Variants in TEAD1 observed in about 807,000 individuals in gnomAD.
TEAD1 encodes the protein transcriptional enhancer factor TEF-1.
Under a neutral mutation model 54.9 loss-of-function variants are expected in TEAD1, and 9 were observed. The ratio of observed to expected loss-of-function variants is 0.16; its 90% CI spans 0.10 to 0.29. TEAD1 has a LOEUF of 0.29. TEAD1 is among the 10% of genes least tolerant of loss of function. The pLI is 1.00. For synonymous variants in TEAD1, 200 were observed against 187.8 expected (o/e 1.07, Z -0.53); for missense variants, 387 against 535.9 (o/e 0.72, Z 2.74).
chr11:12,718,476 C>G (rs141173264), intron 2 of TEAD1, among the ~76,000 whole-genome samples: 1 of 152,202 alleles, frequency 6.6e-6, no homozygotes, highest in African/African-American at 2.4e-5. Context: ...TTCTTGCATT[C>G]CCTTGGTCTC....
At chr11:12,868,578 T>C (rs1239211352) in intron 5 of TEAD1, among the ~76,000 whole-genome samples, 2 of 152,242 alleles carry the variant, frequency 1.3e-5, no homozygotes, top group African/African-American at 2.4e-5. Context: ...AGCTTTATGC[T>C]TCTACTAATT....
At chr11:12,740,966 C>G (rs534789946) in intron 2 of TEAD1, among the ~76,000 whole-genome samples, 1 of 152,032 alleles carries the variant, frequency 6.6e-6, no homozygotes, top group Admixed American at 6.5e-5. Context: ...CTTAAATTTT[C>G]TTTTTAAAAA....
intron 3 of TEAD1, among the ~76,000 whole-genome samples, chr11:12,817,943 A>G (rs140463956): frequency 6.6e-6 from 1 of 152,372 alleles, no homozygotes; most frequent in East Asian, 1.9e-4. Flanking sequence ...CATTGTGGTT[A>G]TTAGCTGCAA....
rs551360132 is a variant in TEAD1, at chr11:12,732,624, G to C, written c.-54-31555G>C. 2.5e-4 allele frequency among the ~76,000 whole-genome samples: 38 copies of C among 152,296 alleles called. 1 individual carries two copies. Among genetic ancestry groups the C allele is most frequent in the African/African-American group, 8.9e-4 (37 of 41,558 alleles). On this transcript the variant is annotated intron_variant, in intron 2 of 12. Transcript: ENST00000527636. ...TCTGAGGGTACTCAGTTGACTGGAG[G>C]CTTGAGCTAATTCTTCAGATGCATT...
chr11:12,853,751 A>G (rs931316612), intron 3 of TEAD1, among the ~76,000 whole-genome samples: 1 of 152,168 alleles, frequency 6.6e-6, no homozygotes, highest in Admixed American at 6.5e-5. Flanking sequence ...TTCCTCTAAG[A>G]TGCGGGAGAA....
chr11:12,777,697 G>T (rs1196366846), intron 3 of TEAD1, among the ~76,000 whole-genome samples: 1 of 152,218 alleles, frequency 6.6e-6, no homozygotes, highest in Non-Finnish European at 1.5e-5. Context: ...GTACTAAGAT[G>T]TGCCCTTGTA....
At chr11:12,835,872 A>G (rs1368426537) in intron 3 of TEAD1, among the ~76,000 whole-genome samples, 1 of 152,160 alleles carries the variant, frequency 6.6e-6, no homozygotes, top group Non-Finnish European at 1.5e-5. Context: ...GTCAACGGGT[A>G]CAAAGTTTCA....
intron 9 of TEAD1, 100 bp from the exon 10 acceptor site, chr11:12,901,840 C>T: frequency 1.4e-6 from 2 of 1,474,574 alleles, no homozygotes; most frequent in Non-Finnish European, 1.9e-6. Flanking sequence ...GGCCTAATTC[C>T]AGAATTTTGG....
At chr11:12,899,715 C>A (rs1282647395) in intron 9 of TEAD1, among the ~76,000 whole-genome samples, 1 of 152,192 alleles carries the variant, frequency 6.6e-6, no homozygotes, top group Non-Finnish European at 1.5e-5. Context: ...GTGGCTAGTC[C>A]ATGCAGCTGC....
At chr11:12,876,248 A>T (rs1947852134) in intron 5 of TEAD1, among the ~76,000 whole-genome samples, 1 of 152,194 alleles carries the variant, frequency 6.6e-6, no homozygotes, top group Non-Finnish European at 1.5e-5. Context: ...CTCCTTTTCC[A>T]CACTGACTGA....
chr11:12,851,224 G>A (rs1947267691), intron 3 of TEAD1: 1 of 382,870 alleles, frequency 2.6e-6, no homozygotes, highest in African/African-American at 2.2e-5. Context: ...AACAACAGAG[G>A]ATACTAAGAA....
intron 11 of TEAD1, among the ~76,000 whole-genome samples, chr11:12,926,800 CATA>C (rs1564993471): frequency 6.6e-6 from 1 of 152,106 alleles, no homozygotes; most frequent in Non-Finnish European, 1.5e-5. Flanking sequence ...ATTGGCTCAA[CATA>C]ATGTCTAGGA....
intron 12 of TEAD1, among the ~76,000 whole-genome samples, chr11:12,934,092 GTTTA>G (rs1949057339): frequency 1.3e-5 from 2 of 152,288 alleles, no homozygotes; most frequent in African/African-American, 4.8e-5. Context: ...GCACACGTAT[GTTTA>G]TTAGAGCACT....
chr11:12,758,605 G>A (rs533113282), intron 2 of TEAD1, among the ~76,000 whole-genome samples: 7 of 152,080 alleles, frequency 4.6e-5, no homozygotes, highest in South Asian at 2.1e-4. Context: ...TAGTAGAGAC[G>A]GGGTTTCATC....
chr11:12,675,167 AC>A lies in TEAD1; in HGVS notation c.-207-239del, dbSNP rs1214544586. Among the ~76,000 whole-genome samples, 3 of 149,876 alleles carry A rather than the reference AC, an allele frequency of 2.0e-5. No homozygotes were observed. The East Asian group carries it at 6.0e-4, about 30-fold the overall frequency. On this transcript the variant is annotated intron_variant, in intron 1 of 12. Coordinates refer to ENST00000527636, the MANE Select transcript of TEAD1 (RefSeq NM_021961.6). ...CGCCTGCACGCGCACACACGCACACACCCTCGGGCGCCTTGGACGGGGTGCG... is the reference window on the plus strand; with the variant it reads ...CGCCTGCACGCGCACACACGCACACACCTCGGGCGCCTTGGACGGGGTGCG...
chr11:12,796,839 C>T (rs1945938674), intron 3 of TEAD1, among the ~76,000 whole-genome samples: 1 of 149,564 alleles, frequency 6.7e-6, no homozygotes, highest in Non-Finnish European at 1.5e-5. Context: ...TGGCCGGGTG[C>T]GGTAGCTCAT....
intron 5 of TEAD1, among the ~76,000 whole-genome samples, chr11:12,870,907 A>G (rs894719336): frequency 6.6e-6 from 1 of 152,122 alleles, no homozygotes; most frequent in Admixed American, 6.5e-5. Context: ...AAAAGAAAAA[A>G]TGTCTAGGAC....
intron 9 of TEAD1, among the ~76,000 whole-genome samples, chr11:12,885,605 A>G (rs1948071635): frequency 6.6e-6 from 1 of 152,124 alleles, no homozygotes; most frequent in Non-Finnish European, 1.5e-5. Flanking sequence ...ACTGTTTTTT[A>G]GGAAACAGCT....
intron 5 of TEAD1, among the ~76,000 whole-genome samples, chr11:12,874,692 C>T (rs1033316363): frequency 6.6e-6 from 1 of 152,072 alleles, no homozygotes; most frequent in African/African-American, 2.4e-5. Context: ...ACAGGCATCC[C>T]GAGTCTCAGG....
Sources: allele counts gnomAD v4.1 joint callset (sites outside exome capture counted in the v4.1 genomes callset), GRCh38; gene constraint gnomAD v4.1.1; transcripts MANE v1.5; gene names NCBI Gene and HGNC (gene_info 2026-07-23, HGNC 2026-07-21).